Variants in ZMYM4 observed in about 807,000 individuals in gnomAD.
ZMYM4 encodes zinc finger MYM-type protein 4.
A neutral mutation model predicts 183.2 loss-of-function variants in ZMYM4; 31 were observed. That is an observed-to-expected ratio of 0.17 (90% CI 0.13 to 0.23). The LOEUF is 0.23. Ranked by LOEUF, ZMYM4 falls within the 10% of genes least tolerant of loss-of-function variation. The probability of loss-of-function intolerance (pLI) is 1.00; values close to 1 mark genes in which losing one functional copy is unlikely to be tolerated. For synonymous variants in ZMYM4, 592 were observed against 631.2 expected (o/e 0.94, Z 0.93); for missense variants, 1,273 against 1,840.3 (o/e 0.69, Z 5.64).
chr1:35,273,014 G>T (rs1305008274), intron 1 of ZMYM4, among the ~76,000 whole-genome samples: 2 of 152,080 alleles, frequency 1.3e-5, no homozygotes, highest in Non-Finnish European at 2.9e-5. Flanking sequence ...ACGCCCAGCC[G>T]GTGACTGCAT....
At chr1:35,283,836 GT>G (rs1640324839) in intron 1 of ZMYM4, among the ~76,000 whole-genome samples, 1 of 151,912 alleles carries the variant, frequency 6.6e-6, no homozygotes, top group Non-Finnish European at 1.5e-5. Flanking sequence ...TTGTTGTTGA[GT>G]TTTAGGAATT....
At chr1:35,359,864 T>TTATTAA (rs1399395507) in intron 3 of ZMYM4, among the ~76,000 whole-genome samples, 1 of 151,590 alleles carries the variant, frequency 6.6e-6, no homozygotes, top group Non-Finnish European at 1.5e-5. Context: ...AATTTTTTGT[T>TTATTAA]TATTAACTCT....
rs951439913 is a variant in ZMYM4 at position 35,388,831 on chromosome 1, G to A, written c.2264-79G>A. On this transcript the variant is annotated intron_variant, in intron 13 of 29. Coordinates refer to ENST00000314607, the MANE Select transcript of ZMYM4 (RefSeq NM_005095.3). ...GATTACAGGTGTGAGCCACTGCACC[G>A]GGCCTGTCCTAGGCCATTTAAAGTT... 3.0e-5 allele frequency: 41 copies of A among 1,347,338 alleles called. No individual in the cohort carries two copies. The African/African-American group carries it at 4.4e-4, about 14-fold the overall frequency. The allele number at this position is 1,347,338 out of a possible 1,614,324, so 83.5% of individuals were successfully genotyped here.
chr1:35,410,269 G>C (rs1464207175), intron 26 of ZMYM4, among the ~76,000 whole-genome samples: 1 of 152,136 alleles, frequency 6.6e-6, no homozygotes, highest in Admixed American at 6.5e-5. Context: ...GAAGGCACAA[G>C]TATCTAAACT....
At chr1:35,397,312 A>G in intron 19 of ZMYM4, 65 bp from the exon 20 acceptor site, 1 of 1,424,930 alleles carries the variant, frequency 7.0e-7, no homozygotes, top group South Asian at 1.8e-5. Context: ...ATCATCTCAC[A>G]AATCATACTT....
At chr1:35,403,733 GTATAATTTCTTTAACTA>G (rs1644953568) in intron 23 of ZMYM4, among the ~76,000 whole-genome samples, 1 of 151,996 alleles carries the variant, frequency 6.6e-6, no homozygotes, top group African/African-American at 2.4e-5. Context: ...GATAGAATTT[GTATAATTTCTTTAACTA>G]TGATAGAATT....
In ZMYM4 at chr1:35,268,847, A is replaced by T; in HGVS notation, c.-200A>T. On this transcript the variant is annotated 5_prime_UTR_variant, in exon 1 of 30. Transcript: ENST00000314607. ...CGTCCCCGGGCAGGCCCTCCCGCCC[A>T]CGCGCGGACCCGTGGGATCTCAGAA... The T allele has an allele frequency of 2.4e-6, 1 of 414,800 alleles. No homozygotes were observed. Among genetic ancestry groups the T allele is most frequent in the Non-Finnish European group, 3.9e-6 (1 of 257,910 alleles). The allele number at this position is 414,800 out of a possible 1,614,324, so 25.7% of individuals were successfully genotyped here.
At chr1:35,375,103 G>A (rs1249798608) in intron 7 of ZMYM4, among the ~76,000 whole-genome samples, 1 of 151,422 alleles carries the variant, frequency 6.6e-6, no homozygotes, top group East Asian at 1.9e-4. Context: ...GTTGTTTCAG[G>A]TACTCCTTAC....
At chr1:35,278,862 C>G (rs949338750) in intron 1 of ZMYM4, among the ~76,000 whole-genome samples, 1 of 152,170 alleles carries the variant, frequency 6.6e-6, no homozygotes, top group Non-Finnish European at 1.5e-5. Context: ...ATCTGTGGAC[C>G]TGTGAAACTG....
rs1192238040 is a variant in ZMYM4, at chr1:35,398,422, C to G, written c.3209C>G (p.Thr1070Ser). ...KKTLSQGESQ[T>S]SEHELFLDTK... The stretch of plus-strand genomic sequence containing the variant: ...TTTTCTTTTTCTTTAGAGTCCCAAA[C>G]TTCTGAACACGAACTCTTTCTAGAC... The change falls in exon 21 of 30, where the codon ACT becomes AGT. Residue 1070 changes from threonine to serine, a missense_variant. Coordinates refer to ENST00000314607, the MANE Select transcript of ZMYM4 (RefSeq NM_005095.3). 1 of 1,610,148 alleles carries G rather than the reference C, an allele frequency of 6.2e-7. No individual in the cohort carries two copies. Among genetic ancestry groups the G allele is most frequent in the East Asian group, 2.2e-5 (1 of 44,744 alleles).
chr1:35,286,623 G>T, intron 1 of ZMYM4, among the ~76,000 whole-genome samples: 1 of 144,590 alleles, frequency 6.9e-6, no homozygotes. Flanking sequence ...TTAAGAGACA[G>T]GATCGTACTC....
At chr1:35,306,007 T>C (rs1330984949) in intron 1 of ZMYM4, among the ~76,000 whole-genome samples, 1 of 152,258 alleles carries the variant, frequency 6.6e-6, no homozygotes, top group African/African-American at 2.4e-5. Flanking sequence ...TTCTGCAGTC[T>C]GACAGTTTGT....
intron 2 of ZMYM4, among the ~76,000 whole-genome samples, chr1:35,342,256 G>A (rs538683621): frequency 1.3e-5 from 2 of 152,122 alleles, no homozygotes; most frequent in Non-Finnish European, 2.9e-5. Flanking sequence ...TCATGCTTAA[G>A]TGAGCCTCCC....
intron 1 of ZMYM4, among the ~76,000 whole-genome samples, chr1:35,315,147 CTATTT>C (rs1371572470): frequency 1.4e-5 from 2 of 148,072 alleles, no homozygotes; most frequent in African/African-American, 5.0e-5. Flanking sequence ...TACATTTCGA[CTATTT>C]TATGTTTATC....
chr1:35,284,134 G>A (rs1386077399), intron 1 of ZMYM4, among the ~76,000 whole-genome samples: 1 of 151,590 alleles, frequency 6.6e-6, no homozygotes, highest in Non-Finnish European at 1.5e-5. Context: ...CCGCCACCGC[G>A]CCCTGCTAAT....
At chr1:35,302,222 T>TGG (rs1641317943) in intron 1 of ZMYM4, among the ~76,000 whole-genome samples, 3 of 129,338 alleles carry the variant, frequency 2.3e-5, no homozygotes, top group East Asian at 4.7e-4. Context: ...TTTTTTTTTT[T>TGG]TTTGTGACAG....
chr1:35,397,808 C>T (rs1644836293), intron 20 of ZMYM4, among the ~76,000 whole-genome samples: 1 of 152,140 alleles, frequency 6.6e-6, no homozygotes. Context: ...TGATCATTTT[C>T]CAATTCCATC....
chr1:35,311,353 C>T (rs952385109), intron 1 of ZMYM4, among the ~76,000 whole-genome samples: 19 of 148,268 alleles, frequency 1.3e-4, no homozygotes, highest in African/African-American at 4.0e-4. Context: ...ACTCAGGAGG[C>T]GGAGGTTTCA....
chr1:35,283,873 CTT>C (rs1164437959), intron 1 of ZMYM4, among the ~76,000 whole-genome samples: 8 of 151,840 alleles, frequency 5.3e-5, no homozygotes, highest in Non-Finnish European at 1.2e-4. Context: ...ATATTAAACT[CTT>C]ATCACAAAAA....
Sources: allele counts gnomAD v4.1 joint callset (sites outside exome capture counted in the v4.1 genomes callset), GRCh38; gene constraint gnomAD v4.1.1; transcripts MANE v1.5; gene names NCBI Gene and HGNC (gene_info 2026-07-23, HGNC 2026-07-21).